The following PCDHGA3 variants were observed in gnomAD, a reference collection of about 807,000 sequenced individuals.
The protein encoded by PCDHGA3 is protocadherin gamma subfamily A, 3.
A neutral mutation model predicts 58.5 loss-of-function variants in PCDHGA3; 40 were observed. The observed-to-expected ratio is 0.68, with a 90% CI of 0.53 to 0.89. The LOEUF is 0.89. PCDHGA3 is among the 40% of genes least tolerant of loss of function. PCDHGA3 has a pLI of 0.00. For missense variants in PCDHGA3, 1,223 were observed against 1,195.9 expected, an observed-to-expected ratio of 1.02 and a Z score of -0.33; for synonymous variants, 530 against 525.7, an observed-to-expected ratio of 1.01 and a Z score of -0.11.
chr5:141,403,741 T>G, intron 1 of PCDHGA3: 1 of 1,613,906 alleles, frequency 6.2e-7, no homozygotes. Context: ...GGCTGCTTAC[T>G]GCAACAGCCA....
chr5:141,468,505 C>A (rs1293623271), intron 1 of PCDHGA3: 1 of 152,020 alleles, frequency 6.6e-6, no homozygotes, highest in East Asian at 1.9e-4. Context: ...TTCATGTGGA[C>A]AAATTTAGTA....
intron 1 of PCDHGA3, chr5:141,361,044 A>G: frequency 6.2e-7 from 1 of 1,613,658 alleles, no homozygotes; most frequent in South Asian, 1.1e-5. Flanking sequence ...AAATCACGAC[A>G]AAGGATGATT....
chr5:141,345,756 G>T lies in PCDHGA3; in HGVS notation c.1723G>T (p.Val575Leu). ...CCTCCCCACAGACGGTTCCACTGGCGTGGAGCTGGCGCCTCGCTCCGCAGA... is the reference window on the plus strand; with the variant it reads ...CCTCCCCACAGACGGTTCCACTGGCTTGGAGCTGGCGCCTCGCTCCGCAGA... ...PALPTDGSTG[V>L]ELAPRSAEPG... Residue 575 changes from valine (V) to leucine (L), a missense_variant, in exon 1 of 4, where the codon GTG becomes TTG. Physicochemically the swap from Val to Leu is conservative, Grantham distance 32 (BLOSUM62 1). This residue lies in a region of PCDHGA3 where 107 missense variants were observed against 159.8 expected (regional missense o/e 0.67). Coordinates refer to ENST00000253812, the MANE Select transcript of PCDHGA3 (RefSeq NM_018916.4). 3 of 1,614,198 alleles carry T rather than the reference G, an allele frequency of 1.9e-6. No homozygotes were observed. The highest frequency in any genetic ancestry group is 2.5e-6 in the Non-Finnish European group (3 of 1,180,046).
At chr5:141,453,481 T>TA (rs1178324090) in intron 1 of PCDHGA3, among the ~76,000 whole-genome samples, 1 of 151,928 alleles carries the variant, frequency 6.6e-6, no homozygotes, top group African/African-American at 2.4e-5. Context: ...TCAAAACTAT[T>TA]AAAAAAAGGT....
At chr5:141,368,533 CT>C (rs1239634165) in intron 1 of PCDHGA3, among the ~76,000 whole-genome samples, 2 of 152,024 alleles carry the variant, frequency 1.3e-5, no homozygotes, top group Non-Finnish European at 2.9e-5. Context: ...TGAAAACTTG[CT>C]TTTCCATTTT....
intron 1 of PCDHGA3, chr5:141,355,552 CG>C: frequency 1.2e-6 from 2 of 1,613,938 alleles, no homozygotes; most frequent in South Asian, 2.2e-5. Flanking sequence ...GAAGATTTTG[CG>C]GGTAGAGGTG....
chr5:141,425,555 A>C (rs1282440598), intron 1 of PCDHGA3, among the ~76,000 whole-genome samples: 2 of 152,388 alleles, frequency 1.3e-5, no homozygotes, highest in Middle Eastern at 6.8e-3. Context: ...AACCTCTTTT[A>C]TAAGTGATAA....
chr5:141,345,740 A>G lies in PCDHGA3; in HGVS notation c.1707A>G (p.Thr569=), dbSNP rs564674250. 1.1e-5 allele frequency: 17 copies of G among 1,614,172 alleles called. No individual in the cohort carries two copies. The highest frequency in any genetic ancestry group is 1.7e-5 in the Admixed American group (1 of 60,026). ...AGATCCTGTACCCCGCCCTCCCCAC[A>G]GACGGTTCCACTGGCGTGGAGCTGG... The part of the protein sequence containing the change: ...APEILYPALP[T]DGSTGVELAP... Residue 569 remains threonine, a synonymous_variant, in exon 1 of 4, where the codon ACA becomes ACG. Coordinates refer to ENST00000253812, the MANE Select transcript of PCDHGA3 (RefSeq NM_018916.4).
chr5:141,350,655 C>T (rs1758531876), intron 1 of PCDHGA3: 1 of 1,613,884 alleles, frequency 6.2e-7, no homozygotes, highest in African/African-American at 1.3e-5. Context: ...CGTTTCGTTG[C>T]AAAAGGCATT....
intron 1 of PCDHGA3, chr5:141,398,756 T>C: frequency 1.9e-6 from 3 of 1,613,924 alleles, no homozygotes; most frequent in Non-Finnish European, 2.5e-6. Context: ...TACCATCGTT[T>C]AGTCCTGACT....
Position 141,360,331 on chromosome 5 carries a change from C to G in PCDHGA3, c.2424+13874C>G, listed in dbSNP as rs146919505. The G allele has an allele frequency of 1.3e-3, 2,115 of 1,613,952 alleles. 5 individuals are homozygous for G. Among genetic ancestry groups the G allele is most frequent in the Non-Finnish European group, 1.7e-3 (1,954 of 1,179,884 alleles). On this transcript the variant is annotated intron_variant, in intron 1 of 3. Transcript: ENST00000253812. The stretch of plus-strand genomic sequence containing the variant: ...CGTCCGGGACTTGCCAGCCCGGAAG[C>G]TGCGGGTTAGCGCGGAGAAGGAATA...
chr5:141,372,802 T>G, intron 1 of PCDHGA3: 1 of 1,594,058 alleles, frequency 6.3e-7, no homozygotes, highest in Non-Finnish European at 8.6e-7. Flanking sequence ...TCAGGCAATT[T>G]GCAAAAGGTG....
chr5:141,393,898 C>T lies in PCDHGA3; in HGVS notation c.2424+47441C>T, dbSNP rs182092307. On this transcript the variant is annotated intron_variant, in intron 1 of 3. Transcript: ENST00000253812. ...AGCCCAGTGTTAGAAAATTCTCTTC[C>T]CGGGACAGTAATTGCCTTCTTGAGT... The T allele has an allele frequency of 3.0e-5, 49 of 1,613,956 alleles. No individual in the cohort carries two copies. The African/African-American group carries it at 5.1e-4, about 17-fold the overall frequency.
rs11575965 is a variant in PCDHGA3 at position 141,430,679 on chromosome 5, T to C, written c.2425-64128T>C. 6,478 of 1,333,262 alleles carry C rather than the reference T, an allele frequency of 4.9e-3. 34 individuals carry two copies. Among genetic ancestry groups the C allele is most frequent in the Admixed American group, 9.3e-3 (354 of 37,978 alleles). 82.6% of individuals were successfully genotyped at this position (1,333,262 alleles called of 1,614,324 possible). ...CGGAGGAGCTCTGACTTCCCAACTG[T>C]CCCATTCTATGGGCGAAGGAACTGC... On this transcript the variant is annotated intron_variant, in intron 1 of 3. Coordinates refer to ENST00000253812, the MANE Select transcript of PCDHGA3 (RefSeq NM_018916.4).
chr5:141,475,899 T>A, intron 1 of PCDHGA3: 1 of 574,766 alleles, frequency 1.7e-6, no homozygotes. Flanking sequence ...TGTGTGCCGC[T>A]GTCGGCCAAT....
intron 1 of PCDHGA3, chr5:141,385,224 T>C (rs751833387): frequency 1.2e-6 from 2 of 1,614,206 alleles, no homozygotes; most frequent in Non-Finnish European, 1.7e-6. Context: ...AGCCCAACTA[T>C]GTAGACATGC....
chr5:141,365,862 C>T (rs1424716310), intron 1 of PCDHGA3: 10 of 1,613,946 alleles, frequency 6.2e-6, no homozygotes, highest in African/African-American at 4.0e-5. Context: ...AACTCTGACA[C>T]CGGTGTCCTG....
intron 1 of PCDHGA3, chr5:141,371,109 C>T: frequency 6.2e-7 from 1 of 1,613,836 alleles, no homozygotes; most frequent in South Asian, 1.1e-5. Flanking sequence ...AAATGATAAC[C>T]CCCCAGTATT....
intron 1 of PCDHGA3, among the ~76,000 whole-genome samples, chr5:141,466,670 G>A (rs994949602): frequency 9.2e-5 from 14 of 152,046 alleles, no homozygotes; most frequent in African/African-American, 2.2e-4. Flanking sequence ...TGATTTCACC[G>A]TTCTTCCACT....
Sources: allele counts gnomAD v4.1 joint callset (sites outside exome capture counted in the v4.1 genomes callset), GRCh38; gene constraint gnomAD v4.1.1; regional missense constraint gnomAD v4.1.1; transcripts MANE v1.5; gene names NCBI Gene and HGNC (gene_info 2026-07-23, HGNC 2026-07-21).